The following DLG1 variants were observed in gnomAD, a reference collection of about 807,000 sequenced individuals.
DLG1 encodes the protein discs large MAGUK scaffold protein 1.
In DLG1, 42 loss-of-function variants were observed where a neutral mutation model predicts 123.4. The observed-to-expected ratio is 0.34, with a 90% CI of 0.27 to 0.44. DLG1 has a LOEUF of 0.44. Ranked by LOEUF, DLG1 falls within the 20% of genes least tolerant of loss-of-function variation. DLG1 has a pLI of 1.00. For synonymous variants in DLG1, 317 were observed against 356.2 expected, an observed-to-expected ratio of 0.89 and a Z score of 1.24; for missense variants, 942 against 1,082.6, an observed-to-expected ratio of 0.87 and a Z score of 1.82.
chr3:197,261,438 T>C (rs1467863412), intron 4 of DLG1, among the ~76,000 whole-genome samples: 1 of 152,230 alleles, frequency 6.6e-6, no homozygotes, highest in Non-Finnish European at 1.5e-5. Context: ...TGAGATCCTG[T>C]CTGTAAAAAC....
intron 11 of DLG1, among the ~76,000 whole-genome samples, chr3:197,120,967 A>G (rs1166166282): frequency 1.3e-5 from 2 of 152,242 alleles, no homozygotes; most frequent in South Asian, 2.1e-4. Context: ...CTCAATCAAT[A>G]GATACCCACG....
chr3:197,097,580 C>CTTTTTT lies in DLG1; in HGVS notation c.1547-6560_1547-6555dup, dbSNP rs3051908. 4.0e-4 allele frequency among the ~76,000 whole-genome samples: 49 copies of CTTTTTT among 122,800 alleles called. 1 individual carries two copies. Among genetic ancestry groups the CTTTTTT allele is most frequent in the East Asian group, 1.9e-3 (8 of 4,138 alleles). 80.6% of individuals were successfully genotyped at this position (122,800 alleles called of 152,430 possible). A position where few individuals can be genotyped will look rare whatever the true frequency, so the allele number is the denominator to read the frequency against. On this transcript the variant is annotated intron_variant, in intron 14 of 24. Transcript: ENST00000667157. ...AATCTACTATCTTTTTTTGTACTTT[C>CTTTTTT]TTTTTTTTTTTTTTTTTTGAGAGAG...
At chr3:197,255,774 TAA>T (rs35788077) in intron 4 of DLG1, among the ~76,000 whole-genome samples, 41,691 of 148,982 alleles carry the variant, frequency 0.28, 6,015 homozygotes, top group East Asian at 0.6. Flanking sequence ...TGATATGAGT[TAA>T]AAAAAAAAAA....
chr3:197,077,949 T>C (rs1414533849), intron 17 of DLG1, among the ~76,000 whole-genome samples: 1 of 152,114 alleles, frequency 6.6e-6, no homozygotes, highest in Non-Finnish European at 1.5e-5. Flanking sequence ...TATTCATTAT[T>C]TTGAAGTATA....
Position 197,209,487 on chromosome 3 carries a change from A to G in DLG1, c.319-14898T>C, listed in dbSNP as rs140638732. 8.8e-5 allele frequency among the ~76,000 whole-genome samples: 13 copies of G among 146,948 alleles called. No homozygotes were observed. In the East Asian group the frequency reaches 1.4e-3, roughly 15 times the overall value. The stretch of plus-strand genomic sequence containing the variant: ...TAGCAACTGATAGAACTATACAAAT[A>G]TAAGACAAATTGAACAAAGTATCAA... On this transcript the variant is annotated intron_variant, in intron 4 of 24. Coordinates refer to ENST00000667157, the MANE Select transcript of DLG1 (RefSeq NM_001366207.1).
chr3:197,086,742 C>T (rs1216845487), intron 15 of DLG1, among the ~76,000 whole-genome samples: 1 of 151,952 alleles, frequency 6.6e-6, no homozygotes, highest in Non-Finnish European at 1.5e-5. Flanking sequence ...CAGGAGGGCT[C>T]ACTTAAACAT....
intron 21 of DLG1, 41 bp from the exon 22 acceptor site, chr3:197,065,489 A>G (rs761358007): frequency 6.6e-5 from 99 of 1,491,690 alleles, no homozygotes; most frequent in Non-Finnish European, 8.8e-5. Flanking sequence ...TAATATTAAA[A>G]AAAAAACCAC....
rs144463983 is a variant in DLG1, at chr3:197,094,197, A to C, written c.1547-3171T>G. Among the ~76,000 whole-genome samples, 919 of 152,338 alleles carry C rather than the reference A, an allele frequency of 6.0e-3. 4 individuals carry two copies. Among genetic ancestry groups the C allele is most frequent in the South Asian group, 0.022 (105 of 4,824 alleles). The stretch of plus-strand genomic sequence containing the variant: ...CACCTAAGTCCCACTAAGTGACCTC[A>C]GTTGATGCCAGAAGGAAAACAAGAA... On this transcript the variant is annotated intron_variant, in intron 14 of 24. Coordinates refer to ENST00000667157, the MANE Select transcript of DLG1 (RefSeq NM_001366207.1).
chr3:197,296,953 T>TGGC lies in DLG1; in HGVS notation c.19+232_19+233insGCC. The TGGC allele has an allele frequency of 1.2e-5, 6 of 502,874 alleles. No homozygotes were observed. The East Asian group carries it at 1.2e-4, about 10-fold the overall frequency. 31.2% of individuals were successfully genotyped at this position (502,874 alleles called of 1,614,324 possible). On this transcript the variant is annotated intron_variant, in intron 2 of 24. Transcript: ENST00000667157. Reference sequence around the variant, plus strand: ...ATTCAGGGTTATTAAGGACATCTGTTGGGGGGGGGCTAACTGCCTCTCTTA... The same window carrying TGGC: ...ATTCAGGGTTATTAAGGACATCTGTTGGCGGGGGGGGGCTAACTGCCTCTCTTA...
At position 197,072,695 on chromosome 3, in the gene DLG1, C is replaced by A. The variant is rs114730977; in HGVS notation, c.2006-3435G>T. Among the ~76,000 whole-genome samples, 404 of 140,848 alleles carry A rather than the reference C, an allele frequency of 2.9e-3. 1 individual carries two copies. The highest frequency in any genetic ancestry group is 7.4e-3 in the Middle Eastern group (2 of 272). 92.4% of individuals were successfully genotyped at this position (140,848 alleles called of 152,430 possible). A position where few individuals can be genotyped will look rare whatever the true frequency, so the allele number is the denominator to read the frequency against. On this transcript the variant is annotated intron_variant, in intron 18 of 24. Coordinates refer to ENST00000667157, the MANE Select transcript of DLG1 (RefSeq NM_001366207.1). ...ATGATTGTCTTAAAAAAAAAAAAAA[C>A]AAAAAAACAAAAAAAAAACCTGAGT...
chr3:197,052,221 A>C (rs1040807356), intron 23 of DLG1, among the ~76,000 whole-genome samples: 1 of 152,060 alleles, frequency 6.6e-6, no homozygotes, highest in African/African-American at 2.4e-5. Context: ...TTGGGAGGCC[A>C]AGGCAGGTGG....
intron 4 of DLG1, among the ~76,000 whole-genome samples, chr3:197,272,453 C>T (rs1474762917): frequency 6.6e-6 from 1 of 151,970 alleles, no homozygotes; most frequent in African/African-American, 2.4e-5. Flanking sequence ...GTGTTTGGTC[C>T]CTGCCCTCAT....
chr3:197,144,761 T>G (rs1441511817), intron 6 of DLG1, among the ~76,000 whole-genome samples: 1 of 152,202 alleles, frequency 6.6e-6, no homozygotes, highest in Non-Finnish European at 1.5e-5. Context: ...ATTACTATTT[T>G]GTTCCCTCTT....
chr3:197,058,106 G>C (rs1452442364), intron 23 of DLG1, among the ~76,000 whole-genome samples: 2 of 151,874 alleles, frequency 1.3e-5, no homozygotes, highest in African/African-American at 2.4e-5. Flanking sequence ...AGCATCCCAA[G>C]TAGCTGAGAC....
At chr3:197,096,755 T>C (rs575761345) in intron 14 of DLG1, among the ~76,000 whole-genome samples, 183 of 152,368 alleles carry the variant, frequency 1.2e-3, no homozygotes, top group African/African-American at 4.2e-3. Flanking sequence ...CTATCATTTT[T>C]CTTTGTTTCA....
At chr3:197,235,909 A>G (rs532009847) in intron 4 of DLG1, among the ~76,000 whole-genome samples, 45 of 152,248 alleles carry the variant, frequency 3.0e-4, no homozygotes, top group Non-Finnish European at 5.9e-4. Flanking sequence ...AAACATGAAT[A>G]TCATGACAGA....
intron 5 of DLG1, among the ~76,000 whole-genome samples, chr3:197,150,036 T>TAA (rs1793098230): frequency 6.6e-6 from 1 of 152,206 alleles, no homozygotes; most frequent in African/African-American, 2.4e-5. Flanking sequence ...AGCCATGATT[T>TAA]TCTTAAGTTT....
intron 10 of DLG1, among the ~76,000 whole-genome samples, chr3:197,131,888 C>T (rs959160028): frequency 3.9e-5 from 6 of 152,248 alleles, no homozygotes; most frequent in South Asian, 2.1e-4. Context: ...CCACCGCGCC[C>T]GGCCTATTTC....
At chr3:197,297,731 C>G (rs1453261969) in intron 1 of DLG1, 2 of 986,352 alleles carry the variant, frequency 2.0e-6, no homozygotes, top group East Asian at 2.3e-4. Flanking sequence ...GGGCAGCGGC[C>G]GCTCTCCGCG....
Sources: allele counts gnomAD v4.1 joint callset (sites outside exome capture counted in the v4.1 genomes callset), GRCh38; gene constraint gnomAD v4.1.1; transcripts MANE v1.5; gene names NCBI Gene and HGNC (gene_info 2026-07-23, HGNC 2026-07-21).